Variants in PTPRN2 observed in about 807,000 individuals in gnomAD.
PTPRN2 encodes receptor-type tyrosine-protein phosphatase N2.
PTPRN2 carries 74 observed loss-of-function variants against 118.8 expected under a neutral mutation model. The observed-to-expected ratio is 0.62, with a 90% CI of 0.52 to 0.76. The LOEUF is 0.76. PTPRN2 is among the 30% of genes least tolerant of loss of function. The pLI, the probability that PTPRN2 is intolerant of heterozygous loss-of-function variation, is 0.00. For missense variants in PTPRN2, 1,481 were observed against 1,394.4 expected, an observed-to-expected ratio of 1.06 and a Z score of -0.99; for synonymous variants, 641 against 608.0, an observed-to-expected ratio of 1.05 and a Z score of -0.80.
intron 3 of PTPRN2, among the ~76,000 whole-genome samples, chr7:158,305,052 G>A (rs1385301825): frequency 1.3e-5 from 2 of 152,166 alleles, no homozygotes; most frequent in East Asian, 1.9e-4. Context: ...TGCTTTGTCT[G>A]TCTTCACGCC....
chr7:157,958,102 A>G (rs999081304), intron 11 of PTPRN2, among the ~76,000 whole-genome samples: 3 of 152,208 alleles, frequency 2.0e-5, no homozygotes, highest in African/African-American at 7.2e-5. Context: ...ACACATAAAA[A>G]ATAATAAACG....
intron 12 of PTPRN2, among the ~76,000 whole-genome samples, chr7:157,712,313 C>T (rs1397690459): frequency 6.6e-6 from 1 of 152,108 alleles, no homozygotes; most frequent in African/African-American, 2.4e-5. Context: ...AACTGTGTCC[C>T]CTCAAGAGGA....
intron 5 of PTPRN2, among the ~76,000 whole-genome samples, chr7:158,186,531 C>T (rs1245295887): frequency 5.9e-5 from 9 of 152,288 alleles, no homozygotes; most frequent in African/African-American, 1.2e-4. Flanking sequence ...GGCATGAGTA[C>T]GCCTGGGCTC....
At position 157,929,111 on chromosome 7, in the gene PTPRN2, C is replaced by T. The variant is rs11770632; in HGVS notation, c.1724-30374G>A. Among the ~76,000 whole-genome samples, 41,447 of 152,082 alleles carry T rather than the reference C, an allele frequency of 0.27. 6,978 individuals carry two copies. Among genetic ancestry groups the T allele is most frequent in the Non-Finnish European group, 0.38 (25,990 of 67,966 alleles). ...GGTTGTGAAATAAGGATCAGTGAAA[C>T]GGTGAGACCATTCCTTCCACCCTTG... On this transcript the variant is annotated intron_variant, in intron 11 of 22. Transcript: ENST00000389418. This position sits in a 1 kb window ranked among gnomAD's most constrained non-coding sequence, Gnocchi z 4.4.
intron 11 of PTPRN2, among the ~76,000 whole-genome samples, chr7:157,979,731 C>T (rs974188316): frequency 1.3e-5 from 2 of 152,212 alleles, no homozygotes; most frequent in African/African-American, 4.8e-5. Context: ...CAGGGGGTGC[C>T]GCTGAATGCC....
chr7:158,020,561 G>A (rs759391698), intron 11 of PTPRN2, among the ~76,000 whole-genome samples: 2 of 152,138 alleles, frequency 1.3e-5, no homozygotes, highest in African/African-American at 2.4e-5. Flanking sequence ...AGGCCGGCCC[G>A]GGGTCATGGT....
intron 2 of PTPRN2, among the ~76,000 whole-genome samples, chr7:158,340,811 C>A (rs1236279664): frequency 1.4e-4 from 12 of 84,328 alleles, no homozygotes; most frequent in South Asian, 4.5e-4. Context: ...CTCACACCCA[C>A]ACATGTCACT....
chr7:158,361,664 C>T (rs1208981327), intron 2 of PTPRN2, among the ~76,000 whole-genome samples: 3 of 152,188 alleles, frequency 2.0e-5, no homozygotes, highest in Admixed American at 1.3e-4. Flanking sequence ...AGCAGATGCC[C>T]ACCATGGACC....
Position 157,621,644 on chromosome 7 carries a change from C to T in PTPRN2, c.2197-135G>A, listed in dbSNP as rs184930738. 5.2e-5 allele frequency: 57 copies of T among 1,093,982 alleles called. No individual in the cohort carries two copies. In the African/African-American group the frequency reaches 7.1e-4, roughly 14 times the overall value. The allele number at this position is 1,093,982 out of a possible 1,614,324, so 67.8% of individuals were successfully genotyped here. The stretch of plus-strand genomic sequence containing the variant: ...TTGCTCACGAGCCTGGGCCATGGTG[C>T]GACGTTGTGCTACGGTGCACAATGC... On this transcript the variant is annotated intron_variant, in intron 14 of 22. Transcript: ENST00000389418.
intron 6 of PTPRN2, among the ~76,000 whole-genome samples, chr7:158,151,066 TTTC>T (rs1170478008): frequency 4.7e-4 from 56 of 120,342 alleles, no homozygotes; most frequent in African/African-American, 1.7e-3. Context: ...ACTGCCCGCC[TTTC>T]CACTCTTGCC....
intron 11 of PTPRN2, among the ~76,000 whole-genome samples, chr7:158,018,966 C>CAAAAAAAAAAAAAAAAAAAAAAAAAA (rs753498681): frequency 3.0e-5 from 2 of 65,828 alleles, no homozygotes; most frequent in East Asian, 6.5e-4. Context: ...GTTTCAAAAA[C>CAAAAAAAAAAAAAAAAAAAAAAAAAA]AAAAAAAAAA....
chr7:157,565,214 T>C (rs1799423751), intron 21 of PTPRN2, among the ~76,000 whole-genome samples: 1 of 152,170 alleles, frequency 6.6e-6, no homozygotes, highest in African/African-American at 2.4e-5. Flanking sequence ...GAGAGCTGGG[T>C]CTATGCCCGT....
intron 12 of PTPRN2, among the ~76,000 whole-genome samples, chr7:157,841,164 T>C (rs989384294): frequency 6.6e-5 from 10 of 152,254 alleles, no homozygotes; most frequent in African/African-American, 1.9e-4. Context: ...TAACAGTTCA[T>C]GCGCTGGCCA....
chr7:157,933,273 A>G (rs1799494849), intron 11 of PTPRN2, among the ~76,000 whole-genome samples: 1 of 133,036 alleles, frequency 7.5e-6, no homozygotes, highest in Non-Finnish European at 1.6e-5. Context: ...TGACAGTTTT[A>G]GAGGAGGGGT....
At chr7:158,259,695 TCC>T (rs1797261356) in intron 3 of PTPRN2, among the ~76,000 whole-genome samples, 1 of 148,686 alleles carries the variant, frequency 6.7e-6, no homozygotes, top group Admixed American at 6.8e-5. Context: ...TGTTTGTGTG[TCC>T]TTGTGTCCCG....
chr7:158,134,756 C>T (rs928011039), intron 8 of PTPRN2, among the ~76,000 whole-genome samples: 2 of 152,212 alleles, frequency 1.3e-5, no homozygotes, highest in Non-Finnish European at 2.9e-5. Context: ...CCCCTGGCAC[C>T]TCTGCTGACT....
At chr7:157,907,321 G>A (rs1232256665) in intron 11 of PTPRN2, among the ~76,000 whole-genome samples, 2 of 151,058 alleles carry the variant, frequency 1.3e-5, no homozygotes, top group South Asian at 2.1e-4. Context: ...TCCTTGTCCC[G>A]TGTGTGGGGT....
intron 2 of PTPRN2, among the ~76,000 whole-genome samples, chr7:158,317,943 A>G (rs1168593355): frequency 6.6e-6 from 1 of 152,170 alleles, no homozygotes; most frequent in Non-Finnish European, 1.5e-5. Flanking sequence ...GCGGGTTTCT[A>G]TGGGACTTTG....
rs1418072370 is a variant in PTPRN2 at position 157,674,878 on chromosome 7, A to C, written c.2001+7847T>G. Among the ~76,000 whole-genome samples the C allele has an allele frequency of 6.6e-6, 1 of 152,176 alleles. No individual in the cohort carries two copies. Among genetic ancestry groups the C allele is most frequent in the Admixed American group, 6.5e-5 (1 of 15,282 alleles). On this transcript the variant is annotated intron_variant, in intron 13 of 22. Coordinates refer to ENST00000389418, the MANE Select transcript of PTPRN2 (RefSeq NM_002847.5). This position sits in a 1 kb window ranked among gnomAD's most constrained non-coding sequence, Gnocchi z 4.5. ...CACAGTTCTGGGTGGGGGAGGCTCCAGGAGCTACCCGAGGCTTCTTCTCCT... is the reference window on the plus strand; with the variant it reads ...CACAGTTCTGGGTGGGGGAGGCTCCCGGAGCTACCCGAGGCTTCTTCTCCT...
Sources: allele counts gnomAD v4.1 joint callset (sites outside exome capture counted in the v4.1 genomes callset), GRCh38; gene constraint gnomAD v4.1.1; non-coding constraint Gnocchi (gnomAD v3.1); transcripts MANE v1.5; gene names NCBI Gene and HGNC (gene_info 2026-07-23, HGNC 2026-07-21).